The following TNR variants were observed in gnomAD, a reference collection of about 807,000 sequenced individuals.
TNR encodes the protein tenascin-R.
In TNR, 45 loss-of-function variants were observed where a neutral mutation model predicts 150.4. That is an observed-to-expected ratio of 0.30 (90% CI 0.24 to 0.38). TNR has a LOEUF of 0.38. TNR is among the 10% of genes least tolerant of loss of function. The pLI, the probability that TNR is intolerant of heterozygous loss-of-function variation, is 1.00. For synonymous variants in TNR, 687 were observed against 678.4 expected (o/e 1.01, Z -0.20); for missense variants, 1,544 against 1,759.1 (o/e 0.88, Z 2.19).
chr1:175,708,018 T>TTGTGTGTGTG (rs10676470), intron 1 of TNR, among the ~76,000 whole-genome samples: 132 of 144,748 alleles, frequency 9.1e-4, no homozygotes, highest in African/African-American at 3.1e-3. Flanking sequence ...ATGTGTGTGT[T>TTGTGTGTGTG]TGTGTGTGTG....
At position 175,335,702 on chromosome 1, in the gene TNR, A is replaced by G. The variant is rs1290080364; in HGVS notation, c.3631+9T>C. 1 of 1,609,862 alleles carries G rather than the reference A, an allele frequency of 6.2e-7. No individual in the cohort carries two copies. The highest frequency in any genetic ancestry group is 2.2e-5 in the East Asian group (1 of 44,870). On this transcript the variant is annotated intron_variant, in intron 20 of 22. Transcript: ENST00000367674. The stretch of plus-strand genomic sequence containing the variant: ...AGCACATCAATGGAAAGCAATAAGG[A>G]GGCTTTACCCAGCCAGAACTCATCC...
At chr1:175,338,283 A>T (rs1395411484) in intron 18 of TNR, among the ~76,000 whole-genome samples, 1 of 152,246 alleles carries the variant, frequency 6.6e-6, no homozygotes, top group Non-Finnish European at 1.5e-5. Context: ...CATGTTTTAC[A>T]GTTCAGTTTA....
intron 1 of TNR, among the ~76,000 whole-genome samples, chr1:175,547,967 A>G (rs1207842642): frequency 6.6e-6 from 1 of 152,228 alleles, no homozygotes; most frequent in Non-Finnish European, 1.5e-5. Context: ...ACATGATTAA[A>G]TTTGGGTTGT....
At chr1:175,530,555 A>G (rs1660021944) in intron 1 of TNR, among the ~76,000 whole-genome samples, 5 of 152,234 alleles carry the variant, frequency 3.3e-5, no homozygotes. Flanking sequence ...TTATGCATAT[A>G]TAACAGATAT....
At chr1:175,551,431 A>C (rs1301626208) in intron 1 of TNR, among the ~76,000 whole-genome samples, 3 of 152,194 alleles carry the variant, frequency 2.0e-5, no homozygotes, top group African/African-American at 7.2e-5. Context: ...TAATCCAAAA[A>C]GGGGGAAAGC....
intron 2 of TNR, among the ~76,000 whole-genome samples, chr1:175,445,439 G>C (rs1343539304): frequency 2.0e-5 from 3 of 152,028 alleles, no homozygotes; most frequent in Non-Finnish European, 4.4e-5. Flanking sequence ...CCTGTTCAAG[G>C]ATTTTTTTTT....
intron 9 of TNR, among the ~76,000 whole-genome samples, chr1:175,376,850 A>T (rs1652409464): frequency 8.3e-6 from 1 of 120,236 alleles, no homozygotes; most frequent in African/African-American, 3.0e-5. Flanking sequence ...TGTAATATAT[A>T]AATGTAATAT....
chr1:175,488,290 T>C (rs560754729), intron 2 of TNR, among the ~76,000 whole-genome samples: 1 of 152,322 alleles, frequency 6.6e-6, no homozygotes, highest in Admixed American at 6.5e-5. Context: ...AGTTTTTATA[T>C]GATGTCAGAA....
intron 16 of TNR, 55 bp from the exon 17 acceptor site, chr1:175,355,688 C>T: frequency 6.2e-7 from 1 of 1,606,524 alleles, no homozygotes; most frequent in Non-Finnish European, 8.5e-7. Context: ...CCTCCCCCTG[C>T]TTGATTTCAG....
intron 2 of TNR, among the ~76,000 whole-genome samples, chr1:175,455,746 T>G (rs973533970): frequency 6.6e-6 from 1 of 152,162 alleles, no homozygotes; most frequent in African/African-American, 2.4e-5. Flanking sequence ...GCAATGATCT[T>G]GGAAATAGTT....
At position 175,599,888 on chromosome 1, in the gene TNR, GT is replaced by G. The variant is rs2101845833; in HGVS notation, c.-164-71520del. On this transcript the variant is annotated intron_variant, in intron 1 of 22. Coordinates refer to ENST00000367674, the MANE Select transcript of TNR (RefSeq NM_003285.3). This position sits in a 1 kb window ranked among gnomAD's most constrained non-coding sequence, Gnocchi z 4.7. ...CTCGGGATGGAGGCAACCCCTCGGC[GT>G]GGGGATGCTGAGGCAGGCAAGAGAC... Among the ~76,000 whole-genome samples, 1 of 152,330 alleles carries G rather than the reference GT, an allele frequency of 6.6e-6. No individual in the cohort carries two copies. The highest frequency in any genetic ancestry group is 2.1e-4 in the South Asian group (1 of 4,814).
At chr1:175,408,097 C>T (rs1654040851) in intron 2 of TNR, among the ~76,000 whole-genome samples, 1 of 152,188 alleles carries the variant, frequency 6.6e-6, no homozygotes, top group African/African-American at 2.4e-5. Context: ...CTCTTCCAGG[C>T]CCCACTTCTG....
intron 18 of TNR, among the ~76,000 whole-genome samples, chr1:175,341,974 C>A (rs1356910719): frequency 6.6e-6 from 1 of 152,244 alleles, no homozygotes; most frequent in Middle Eastern, 3.2e-3. Context: ...GCTCAGCCCA[C>A]ATGGGGTGAG....
chr1:175,649,603 G>A (rs1248026167), intron 1 of TNR, among the ~76,000 whole-genome samples: 1 of 152,110 alleles, frequency 6.6e-6, no homozygotes, highest in Non-Finnish European at 1.5e-5. Flanking sequence ...ACCACCAGGA[G>A]GTGAGCTTTC....
At chr1:175,696,861 A>G (rs1478165138) in intron 1 of TNR, among the ~76,000 whole-genome samples, 1 of 148,502 alleles carries the variant, frequency 6.7e-6, no homozygotes, top group African/African-American at 2.5e-5. Flanking sequence ...CCTGGGCAAC[A>G]AGAGCGAAAC....
chr1:175,447,108 C>T (rs1656090454), intron 2 of TNR, among the ~76,000 whole-genome samples: 1 of 152,126 alleles, frequency 6.6e-6, no homozygotes, highest in Admixed American at 6.5e-5. Flanking sequence ...GGAACCATCC[C>T]CACACTGCCC....
At chr1:175,437,844 CA>C (rs1557934107) in intron 2 of TNR, among the ~76,000 whole-genome samples, 1 of 151,996 alleles carries the variant, frequency 6.6e-6, no homozygotes. Flanking sequence ...GTTGAATCTC[CA>C]AATAGACCAA....
At chr1:175,383,062 TC>T (rs1224281084) in intron 8 of TNR, among the ~76,000 whole-genome samples, 1 of 152,156 alleles carries the variant, frequency 6.6e-6, no homozygotes, top group African/African-American at 2.4e-5. Flanking sequence ...TCTGGAAGAA[TC>T]AAGAATCATT....
chr1:175,705,131 G>A (rs890200950), intron 1 of TNR, among the ~76,000 whole-genome samples: 7 of 151,926 alleles, frequency 4.6e-5, no homozygotes, highest in African/African-American at 1.7e-4. Context: ...CTGCAGATAT[G>A]ACAACTTCCC....
Sources: allele counts gnomAD v4.1 joint callset (sites outside exome capture counted in the v4.1 genomes callset), GRCh38; gene constraint gnomAD v4.1.1; non-coding constraint Gnocchi (gnomAD v3.1); transcripts MANE v1.5; gene names NCBI Gene and HGNC (gene_info 2026-07-23, HGNC 2026-07-21).